NEGR1: variants seen among roughly 807,000 people sequenced by gnomAD.
NEGR1 encodes the protein neuronal growth regulator 1.
NEGR1 carries 10 observed loss-of-function variants against 40.9 expected under a neutral mutation model. That is an observed-to-expected ratio of 0.24 (90% confidence interval 0.15 to 0.42). The LOEUF (loss-of-function observed/expected upper bound fraction) is 0.42. NEGR1 is among the 10% of genes least tolerant of loss of function. The pLI is 1.00. For synonymous variants in NEGR1, 185 were observed against 166.8 expected, an observed-to-expected ratio of 1.11 and a Z score of -0.84; for missense variants, 352 against 438.9, an observed-to-expected ratio of 0.80 and a Z score of 1.77.
At chr1:71,809,368 A>G (rs1455487468) in intron 2 of NEGR1, among the ~76,000 whole-genome samples, 1 of 152,178 alleles carries the variant, frequency 6.6e-6, no homozygotes, top group Non-Finnish European at 1.5e-5. Context: ...CTTTTCAAAG[A>G]GTGATTTAAG....
At chr1:72,028,271 T>A (rs1646828820) in intron 1 of NEGR1, among the ~76,000 whole-genome samples, 1 of 152,210 alleles carries the variant, frequency 6.6e-6, no homozygotes, top group Non-Finnish European at 1.5e-5. Flanking sequence ...AGCTTTCAAG[T>A]GGACTCTGTG....
At chr1:71,513,178 TA>T (rs5775067) in intron 6 of NEGR1, among the ~76,000 whole-genome samples, 86,266 of 151,878 alleles carry the variant, frequency 0.57, 24,984 homozygotes, top group Middle Eastern at 0.66. Flanking sequence ...TTCAAAAACT[TA>T]AAATGTGAGG....
intron 4 of NEGR1, among the ~76,000 whole-genome samples, chr1:71,690,894 A>G (rs1454249659): frequency 6.6e-6 from 1 of 152,010 alleles, no homozygotes; most frequent in Non-Finnish European, 1.5e-5. Flanking sequence ...GCTCCCATCT[A>G]GCAAACATTT....
Position 71,928,374 on chromosome 1 carries a change from A to ATATGTG in NEGR1, c.409+6704_409+6705insCACATA, listed in dbSNP as rs796666585. On this transcript the variant is annotated intron_variant, in intron 2 of 6. Transcript: ENST00000357731. ...TGTATATATATATACACATATGTAT[A>ATATGTG]TATGTATATATACACACATATGTAT... 9.4e-4 allele frequency among the ~76,000 whole-genome samples: 69 copies of ATATGTG among 73,538 alleles called. 4 individuals are homozygous for ATATGTG. The highest frequency in any genetic ancestry group is 0.012 in the Middle Eastern group (1 of 82). 48.2% of individuals were successfully genotyped at this position (73,538 alleles called of 152,430 possible). A position where few individuals can be genotyped will look rare whatever the true frequency, so the allele number is the denominator to read the frequency against.
At chr1:72,052,754 T>C (rs1380163922) in intron 1 of NEGR1, among the ~76,000 whole-genome samples, 1 of 151,516 alleles carries the variant, frequency 6.6e-6, no homozygotes, top group Non-Finnish European at 1.5e-5. Flanking sequence ...TAGTGAAACA[T>C]TTTATAAAAG....
intron 1 of NEGR1, among the ~76,000 whole-genome samples, chr1:72,129,661 A>G (rs1174000368): frequency 6.6e-5 from 10 of 152,200 alleles, no homozygotes; most frequent in Non-Finnish European, 1.3e-4. Flanking sequence ...TTAGGGGTCT[A>G]ATTTATGTAT....
At chr1:71,778,799 A>C (rs983204726) in intron 2 of NEGR1, among the ~76,000 whole-genome samples, 3 of 152,232 alleles carry the variant, frequency 2.0e-5, no homozygotes, top group Non-Finnish European at 2.9e-5. Context: ...CTGTCTGATC[A>C]AAAAATAGTT....
At position 71,673,049 on chromosome 1, in the gene NEGR1, T is replaced by C. The variant is rs867363002; in HGVS notation, c.667+24959A>G. On this transcript the variant is annotated intron_variant, in intron 4 of 6. Coordinates refer to ENST00000357731, the MANE Select transcript of NEGR1 (RefSeq NM_173808.3). ...AGGAGATCGAGACGATCCTGACTAA[T>C]ACAGTGAAACCCCATCTCTACTGAA... 3.9e-5 allele frequency among the ~76,000 whole-genome samples: 6 copies of C among 152,100 alleles called. No homozygotes were observed. In the Middle Eastern group the frequency reaches 0.014, roughly 345 times the overall value.
At chr1:72,267,642 T>C (rs998792651) in intron 1 of NEGR1, among the ~76,000 whole-genome samples, 2 of 151,266 alleles carry the variant, frequency 1.3e-5, no homozygotes, top group East Asian at 1.9e-4. Context: ...AAATAATTGA[T>C]AAAATAAAAT....
chr1:71,845,913 C>T (rs938547425), intron 2 of NEGR1, among the ~76,000 whole-genome samples: 3 of 142,040 alleles, frequency 2.1e-5, no homozygotes, highest in Non-Finnish European at 3.0e-5. Flanking sequence ...GGGCATGCCA[C>T]GGCACCTGGC....
intron 2 of NEGR1, among the ~76,000 whole-genome samples, chr1:71,784,280 A>G (rs1473890466): frequency 6.6e-6 from 1 of 152,050 alleles, no homozygotes; most frequent in Non-Finnish European, 1.5e-5. Context: ...TTTACAGAAC[A>G]CCAGAAAGAC....
At chr1:71,701,553 C>T (rs182846181) in intron 3 of NEGR1, among the ~76,000 whole-genome samples, 3 of 152,060 alleles carry the variant, frequency 2.0e-5, no homozygotes, top group Non-Finnish European at 4.4e-5. Context: ...AGCCCACCTG[C>T]CTAATCTAAA....
intron 6 of NEGR1, among the ~76,000 whole-genome samples, chr1:71,457,994 G>A (rs1428997866): frequency 2.0e-5 from 3 of 152,184 alleles, no homozygotes; most frequent in South Asian, 2.1e-4. Flanking sequence ...GAGCCACCAC[G>A]CCTGGCCAGT....
intron 1 of NEGR1, among the ~76,000 whole-genome samples, chr1:72,200,466 G>C (rs1653164200): frequency 6.6e-6 from 1 of 151,850 alleles, no homozygotes; most frequent in Admixed American, 6.6e-5. Context: ...GCTAAACATT[G>C]AATACACATG....
chr1:71,422,038 T>G (rs2101280130), intron 6 of NEGR1, among the ~76,000 whole-genome samples: 1 of 152,228 alleles, frequency 6.6e-6, no homozygotes, highest in Non-Finnish European at 1.5e-5. Flanking sequence ...CTATTTAAAC[T>G]ATTCTTCTGA....
chr1:72,128,516 T>A (rs1650117187), intron 1 of NEGR1, among the ~76,000 whole-genome samples: 1 of 152,142 alleles, frequency 6.6e-6, no homozygotes, highest in Non-Finnish European at 1.5e-5. Context: ...TGAAATAAGA[T>A]TTCCAGAGTT....
At chr1:71,535,668 G>A (rs1479698922) in intron 6 of NEGR1, among the ~76,000 whole-genome samples, 1 of 151,678 alleles carries the variant, frequency 6.6e-6, no homozygotes, top group Non-Finnish European at 1.5e-5. Context: ...AGGGCTAGAT[G>A]AGGATGAAGC....
chr1:71,500,673 C>T (rs780894788), intron 6 of NEGR1, among the ~76,000 whole-genome samples: 1 of 151,940 alleles, frequency 6.6e-6, no homozygotes, highest in South Asian at 2.1e-4. Context: ...GTACAGTTGT[C>T]CCTTGGCATC....
At position 71,587,373 on chromosome 1, in the gene NEGR1, G is replaced by C. The variant is rs923113873; in HGVS notation, c.940+5444C>G. Among the ~76,000 whole-genome samples, 6 of 152,006 alleles carry C rather than the reference G, an allele frequency of 3.9e-5. No homozygotes were observed. The East Asian group carries it at 1.2e-3, about 29-fold the overall frequency. ...CCAGTAGACTCTTCCATTTCCTTTT[G>C]GATACTAGCTACTGACTTCTTTTTT... On this transcript the variant is annotated intron_variant, in intron 6 of 6. Coordinates refer to ENST00000357731, the MANE Select transcript of NEGR1 (RefSeq NM_173808.3).
Sources: allele counts gnomAD v4.1 joint callset (sites outside exome capture counted in the v4.1 genomes callset), GRCh38; gene constraint gnomAD v4.1.1; transcripts MANE v1.5; gene names NCBI Gene and HGNC (gene_info 2026-07-23, HGNC 2026-07-21).